The following TMTC2 variants were observed in gnomAD, a reference collection of about 807,000 sequenced individuals.
TMTC2 encodes the protein transmembrane O-mannosyltransferase targeting cadherins 2, also known as protein O-mannosyl-transferase TMTC2.
A neutral mutation model predicts 82.4 loss-of-function variants in TMTC2; 43 were observed. That is an observed-to-expected ratio of 0.52 (90% CI 0.41 to 0.67). The LOEUF (loss-of-function observed/expected upper bound fraction) is 0.67, where lower values mean the gene tolerates loss of function less well. Among genes scored for constraint, TMTC2 ranks in the 30% least tolerant of loss-of-function variants. The pLI is 0.00. For synonymous variants in TMTC2, 408 were observed against 381.9 expected (o/e 1.07, Z -0.80); for missense variants, 919 against 1,012.4 (o/e 0.91, Z 1.25).
intron 1 of TMTC2, among the ~76,000 whole-genome samples, chr12:82,772,084 G>A (rs1325315307): frequency 6.6e-6 from 1 of 152,156 alleles, no homozygotes; most frequent in Non-Finnish European, 1.5e-5. Flanking sequence ...GCGCTTAACT[G>A]TAAATTTCCT....
intron 1 of TMTC2, among the ~76,000 whole-genome samples, chr12:82,719,869 C>T (rs1483030301): frequency 6.6e-6 from 1 of 152,066 alleles, no homozygotes; most frequent in African/African-American, 2.4e-5. Flanking sequence ...TGAAATGAAA[C>T]GTAAGTTCAT....
At chr12:82,963,834 T>TATATATATATATATTTCTCAC in intron 4 of TMTC2, among the ~76,000 whole-genome samples, 1 of 104,230 alleles carries the variant, frequency 9.6e-6, no homozygotes, top group African/African-American at 5.6e-5. Context: ...TATATATATA[T>TATATATATATATATTTCTCAC]ATATATATAT....
chr12:83,062,654 G>T (rs1337282552), intron 11 of TMTC2, among the ~76,000 whole-genome samples: 2 of 151,778 alleles, frequency 1.3e-5, no homozygotes, highest in African/African-American at 4.8e-5. Flanking sequence ...CATTGGGCAA[G>T]CATCTATAGA....
chr12:82,720,452 T>G (rs76344947), intron 1 of TMTC2, among the ~76,000 whole-genome samples: 15,337 of 152,092 alleles, frequency 0.1, 911 homozygotes, highest in East Asian at 0.24. Flanking sequence ...CATTTTATAT[T>G]AAATATTAAA....
chr12:83,096,402 A>G (rs561683866), intron 11 of TMTC2, among the ~76,000 whole-genome samples: 15 of 152,170 alleles, frequency 9.9e-5, no homozygotes, highest in Non-Finnish European at 2.2e-4. Context: ...TTTTCTATCC[A>G]TCTTGGACAT....
intron 9 of TMTC2, among the ~76,000 whole-genome samples, chr12:83,040,762 G>A (rs1031826848): frequency 1.4e-5 from 2 of 144,396 alleles, no homozygotes; most frequent in African/African-American, 5.1e-5. Context: ...CTCTGCTCAC[G>A]CAAGCTCTGC....
intron 1 of TMTC2, among the ~76,000 whole-genome samples, chr12:82,737,058 T>C (rs1478405312): frequency 6.6e-6 from 1 of 152,190 alleles, no homozygotes; most frequent in African/African-American, 2.4e-5. Flanking sequence ...ATCAGGGAGA[T>C]AGTATTAATC....
intron 1 of TMTC2, among the ~76,000 whole-genome samples, chr12:82,826,009 T>A (rs888098379): frequency 9.9e-5 from 15 of 152,210 alleles, no homozygotes; most frequent in Non-Finnish European, 2.2e-4. Flanking sequence ...ATGATGGTTG[T>A]AGTAAATTAA....
chr12:82,949,073 A>G (rs1407632520), intron 4 of TMTC2, among the ~76,000 whole-genome samples: 1 of 152,182 alleles, frequency 6.6e-6, no homozygotes, highest in Non-Finnish European at 1.5e-5. Flanking sequence ...AGTCAGTCTA[A>G]CTACATTGAG....
chr12:82,706,518 G>A (rs377077728), intron 1 of TMTC2, among the ~76,000 whole-genome samples: 266 of 152,176 alleles, frequency 1.7e-3, no homozygotes, highest in African/African-American at 5.6e-3. Flanking sequence ...ACAATTGTCT[G>A]AAGTGGGATA....
At chr12:83,008,253 G>A (rs1243090133) in intron 8 of TMTC2, among the ~76,000 whole-genome samples, 2 of 151,926 alleles carry the variant, frequency 1.3e-5, no homozygotes, top group African/African-American at 4.8e-5. Flanking sequence ...CATTAATTTG[G>A]GAACGCCCTC....
intron 1 of TMTC2, among the ~76,000 whole-genome samples, chr12:82,766,906 C>T (rs1309138438): frequency 6.6e-6 from 1 of 152,196 alleles, no homozygotes; most frequent in Non-Finnish European, 1.5e-5. Flanking sequence ...TCAAGCAATT[C>T]TTCTGCCTCA....
intron 9 of TMTC2, among the ~76,000 whole-genome samples, chr12:83,039,014 C>T (rs1881786027): frequency 6.7e-6 from 1 of 148,868 alleles, no homozygotes; most frequent in African/African-American, 2.5e-5. Flanking sequence ...TCTCTGCAAC[C>T]TCTGCCCCCC....
chr12:82,975,542 A>C (rs1878629160), intron 7 of TMTC2, among the ~76,000 whole-genome samples: 1 of 152,222 alleles, frequency 6.6e-6, no homozygotes, highest in Non-Finnish European at 1.5e-5. Flanking sequence ...GGATTATTAT[A>C]GAATCTTATT....
chr12:82,835,683 A>G (rs1049971339), intron 1 of TMTC2, among the ~76,000 whole-genome samples: 8 of 152,190 alleles, frequency 5.3e-5, no homozygotes, highest in African/African-American at 1.9e-4. Flanking sequence ...AATGTGATGC[A>G]TACTCCCTAT....
intron 1 of TMTC2, among the ~76,000 whole-genome samples, chr12:82,853,097 A>G (rs1240414416): frequency 1.3e-5 from 2 of 151,404 alleles, no homozygotes; most frequent in Non-Finnish European, 2.9e-5. Flanking sequence ...GCTGTGTTTC[A>G]AAGTTTTTTT....
intron 11 of TMTC2, among the ~76,000 whole-genome samples, chr12:83,126,838 A>T (rs1885111857): frequency 6.6e-6 from 1 of 152,102 alleles, no homozygotes. Context: ...TATCTTAAAA[A>T]CTTTAGTAAT....
chr12:82,998,157 G>T (rs1376374462), intron 8 of TMTC2, among the ~76,000 whole-genome samples: 1 of 152,152 alleles, frequency 6.6e-6, no homozygotes, highest in Non-Finnish European at 1.5e-5. Flanking sequence ...TGTCAAGTGT[G>T]CTGTCAGTGT....
intron 4 of TMTC2, among the ~76,000 whole-genome samples, chr12:82,963,413 C>G (rs963259016): frequency 6.6e-6 from 1 of 151,532 alleles, no homozygotes; most frequent in African/African-American, 2.4e-5. Context: ...GGTATTTCTC[C>G]CCTGGTGCAC....
Sources: gnomAD v4.1 joint callset for allele counts (sites outside exome capture counted in the v4.1 genomes callset) on GRCh38, gnomAD v4.1.1 for gene constraint, MANE v1.5 for transcripts, NCBI Gene and HGNC (gene_info 2026-07-23, HGNC 2026-07-21) for gene names.